ZFPM1: variants seen among roughly 807,000 people sequenced by gnomAD.
The protein encoded by ZFPM1 is zinc finger protein, FOG family member 1.
In ZFPM1, 28 loss-of-function variants were observed where a neutral mutation model predicts 46.3. That is an observed-to-expected ratio of 0.60 (90% CI 0.45 to 0.83). The LOEUF (loss-of-function observed/expected upper bound fraction) is 0.83, where lower values mean the gene tolerates loss of function less well. ZFPM1 is among the 40% of genes least tolerant of loss of function. ZFPM1 has a pLI of 0.00. For synonymous variants in ZFPM1, 957 were observed against 675.9 expected, an observed-to-expected ratio of 1.42 and a Z score of -6.45; for missense variants, 1,878 against 1,432.4, an observed-to-expected ratio of 1.31 and a Z score of -5.02.
rs1567525661 is a variant in ZFPM1 at position 88,461,097 on chromosome 16, G to GGT, written c.40+7420_40+7421insTG. ...GCAGAAGGTCTGGTGAGGACCAAGG[G>GGT]GCAGGAGGCCCTGGTGAGGACCCAG... On this transcript the variant is annotated intron_variant, in intron 1 of 9. Coordinates refer to ENST00000319555, the MANE Select transcript of ZFPM1 (RefSeq NM_153813.3). 1.0e-3 allele frequency among the ~76,000 whole-genome samples: 116 copies of GGT among 114,066 alleles called. 9 individuals are homozygous for GGT. Among genetic ancestry groups the GGT allele is most frequent in the Middle Eastern group, 5.0e-3 (1 of 200 alleles). The allele number at this position is 114,066 out of a possible 152,430, so 74.8% of individuals were successfully genotyped here.
rs1416237433 is a variant in ZFPM1, at chr16:88,534,720, T to A, written c.2762T>A (p.Leu921His). The change falls in exon 10 of 10, where the codon CTC (leucine) becomes CAC (histidine). Residue 921 changes from leucine (L) to histidine (H), a missense_variant. Leu to His is a moderately conservative substitution (Grantham distance 99). Transcript: ENST00000319555. The part of the protein sequence containing the change: ...QPGSRGPRDG[L>H]GPEPQEPPPG... ...GGGTCCCGTGGCCCCCGGGACGGCC[T>A]CGGCCCGGAGCCCCAGGAGCCGCCG... 2 of 957,986 alleles carry A rather than the reference T, an allele frequency of 2.1e-6. No individual in the cohort carries two copies. The highest frequency in any genetic ancestry group is 1.3e-4 in the Admixed American group (2 of 14,920). 59.3% of individuals were successfully genotyped at this position (957,986 alleles called of 1,614,324 possible).
chr16:88,478,392 CGCCTG>C (rs1470337189), intron 1 of ZFPM1, among the ~76,000 whole-genome samples: 1 of 152,244 alleles, frequency 6.6e-6, no homozygotes, highest in East Asian at 1.9e-4. Context: ...GCACTCTTCC[CGCCTG>C]GGCCTCTCAT....
At chr16:88,525,123 T>C (rs1265409970) in intron 4 of ZFPM1, among the ~76,000 whole-genome samples, 1 of 152,242 alleles carries the variant, frequency 6.6e-6, no homozygotes, top group Non-Finnish European at 1.5e-5. Context: ...GCCCTGCGGA[T>C]GGGCCAAGAG....
At chr16:88,492,759 C>G (rs1396841503) in intron 3 of ZFPM1, among the ~76,000 whole-genome samples, 1 of 152,218 alleles carries the variant, frequency 6.6e-6, no homozygotes, top group Non-Finnish European at 1.5e-5. Flanking sequence ...CCAGGCTGCC[C>G]TGTCCCTGGT....
chr16:88,528,356 G>A, intron 6 of ZFPM1, 118 bp downstream of exon 6: 2 of 1,181,250 alleles, frequency 1.7e-6, no homozygotes, highest in Non-Finnish European at 2.3e-6. Context: ...CCGACAGAGT[G>A]AGAGGTAAGG....
intron 1 of ZFPM1, 54 bp downstream of exon 1, chr16:88,453,732 C>T (rs995288305): frequency 2.7e-6 from 3 of 1,095,170 alleles, no homozygotes; most frequent in Non-Finnish European, 3.4e-6. Context: ...CCGCCGGAGC[C>T]CAGCCGCCAG....
chr16:88,526,840 G>A lies in ZFPM1; in HGVS notation c.429G>A (p.Val143=), dbSNP rs566298901. The change falls in exon 5 of 10, where the codon GTG becomes GTA. Residue 143 remains valine (V), a synonymous_variant. Transcript: ENST00000319555. ...EPSPALTLLL[V]DEACWLRTLP... is the part of the protein sequence containing the mutation. ...GCCCAGCCCTGACCCTGCTGCTGGT[G>A]GACGAGGCCTGCTGGCTGAGGACGC... 12 of 1,561,324 alleles carry A rather than the reference G, an allele frequency of 7.7e-6. No homozygotes were observed. The highest frequency in any genetic ancestry group is 5.4e-5 in the African/African-American group (4 of 73,890).
intron 3 of ZFPM1, chr16:88,489,404 G>C: frequency 2.0e-6 from 1 of 488,088 alleles, no homozygotes; most frequent in South Asian, 3.6e-5. Context: ...CTGGATCAGA[G>C]CCTGGTCTGG....
In ZFPM1 at chr16:88,536,381, C is replaced by G. The variant is rs1021231202; in HGVS notation, c.*1402C>G. 1 of 152,116 alleles carries G rather than the reference C, an allele frequency of 6.6e-6. No individual in the cohort carries two copies. Among genetic ancestry groups the G allele is most frequent in the African/African-American group, 2.4e-5 (1 of 41,396 alleles). The allele number at this position is 152,116 out of a possible 1,614,324, so 9.4% of individuals were successfully genotyped here. A position where few individuals can be genotyped will look rare whatever the true frequency, so the allele number is the denominator to read the frequency against. ...TAGAGACAGGGTCTTCCTGTGTTGC[C>G]CAAGATGGTCTCAAACTCCTGACCT... On this transcript the variant is annotated 3_prime_UTR_variant, in exon 10 of 10. Coordinates refer to ENST00000319555, the MANE Select transcript of ZFPM1 (RefSeq NM_153813.3).
At chr16:88,481,396 C>T (rs1908929416) in intron 1 of ZFPM1, among the ~76,000 whole-genome samples, 1 of 152,148 alleles carries the variant, frequency 6.6e-6, no homozygotes, top group South Asian at 2.1e-4. Flanking sequence ...GAAACCCAGC[C>T]CCAAGTTCCT....
chr16:88,485,854 G>T, intron 1 of ZFPM1, 85 bp from the exon 2 acceptor site: 1 of 1,321,764 alleles, frequency 7.6e-7, no homozygotes. Context: ...TGGGCACCGG[G>T]GCTGTACCTA....
intron 1 of ZFPM1, among the ~76,000 whole-genome samples, chr16:88,473,011 G>T (rs1908496667): frequency 6.6e-6 from 1 of 152,258 alleles, no homozygotes; most frequent in African/African-American, 2.4e-5. Context: ...GGGCCAGCTG[G>T]GCAGGAGGTC....
At chr16:88,467,011 G>T (rs904109422) in intron 1 of ZFPM1, among the ~76,000 whole-genome samples, 3 of 152,078 alleles carry the variant, frequency 2.0e-5, no homozygotes. Flanking sequence ...GGTCCCTGGG[G>T]TGGGGCCACC....
intron 3 of ZFPM1, among the ~76,000 whole-genome samples, chr16:88,498,955 T>A (rs1910095496): frequency 6.6e-6 from 1 of 151,974 alleles, no homozygotes; most frequent in Non-Finnish European, 1.5e-5. Context: ...TGCACCCGGG[T>A]CCTGCCTGCA....
rs1908408049 is a variant in ZFPM1, at chr16:88,471,291, C to T, written c.41-14648C>T. Among the ~76,000 whole-genome samples, 1 of 152,254 alleles carries T rather than the reference C, an allele frequency of 6.6e-6. No homozygotes were observed. Among genetic ancestry groups the T allele is most frequent in the Admixed American group, 6.5e-5 (1 of 15,292 alleles). On this transcript the variant is annotated intron_variant, in intron 1 of 9. Coordinates refer to ENST00000319555, the MANE Select transcript of ZFPM1 (RefSeq NM_153813.3). The surrounding 1 kb of genome is among the most constrained non-coding windows in gnomAD (Gnocchi z 4.1). ...GTGTGACCTCCACCCTCGCGAAGGC[C>T]AGCGGCCGCAGGGTCTGGCTTGGGC...
chr16:88,496,065 G>A (rs1313880282), intron 3 of ZFPM1, among the ~76,000 whole-genome samples: 4 of 152,188 alleles, frequency 2.6e-5, no homozygotes, highest in African/African-American at 9.7e-5. Context: ...GGGCAGGGCA[G>A]GACACTCCAT....
chr16:88,468,172 C>G (rs1306615583), intron 1 of ZFPM1, among the ~76,000 whole-genome samples: 1 of 144,874 alleles, frequency 6.9e-6, no homozygotes, highest in African/African-American at 2.6e-5. Flanking sequence ...GCCCACAGGC[C>G]CTGACGCACC....
intron 1 of ZFPM1, among the ~76,000 whole-genome samples, chr16:88,474,964 A>G (rs1335795699): frequency 6.6e-6 from 1 of 152,238 alleles, no homozygotes; most frequent in Non-Finnish European, 1.5e-5. Flanking sequence ...GTCGCCAGCT[A>G]GATTCCACTT....
At chr16:88,529,720 C>G (rs185264753) in intron 6 of ZFPM1, among the ~76,000 whole-genome samples, 3 of 152,278 alleles carry the variant, frequency 2.0e-5, no homozygotes, top group African/African-American at 7.2e-5. Flanking sequence ...TGTGGCGAGA[C>G]CAACAGCAGA....
Sources: allele counts gnomAD v4.1 joint callset (sites outside exome capture counted in the v4.1 genomes callset), GRCh38; gene constraint gnomAD v4.1.1; non-coding constraint Gnocchi (gnomAD v3.1); transcripts MANE v1.5; gene names NCBI Gene and HGNC (gene_info 2026-07-23, HGNC 2026-07-21).